RFXAP: variants seen among roughly 807,000 people sequenced by gnomAD.
The protein encoded by RFXAP is regulatory factor X associated protein.
RFXAP carries 21 observed loss-of-function variants against 25.7 expected under a neutral mutation model. The observed-to-expected ratio is 0.82, with a 90% confidence interval of 0.58 to 1.18. RFXAP has a LOEUF of 1.18. RFXAP is among the 50% of genes most tolerant of loss of function. The probability of loss-of-function intolerance (pLI) is 0.00; values close to 1 mark genes in which losing one functional copy is unlikely to be tolerated. For missense variants in RFXAP, 333 were observed against 363.0 expected, an observed-to-expected ratio of 0.92 and a Z score of 0.67; for synonymous variants, 161 against 152.2, an observed-to-expected ratio of 1.06 and a Z score of -0.43.
chr13:36,827,808 A>G lies in RFXAP; in HGVS notation c.*55A>G, dbSNP rs7321405. 5,291 of 1,366,228 alleles carry G rather than the reference A, an allele frequency of 3.9e-3. 167 individuals are homozygous for G. In the African/African-American group the frequency reaches 0.063, roughly 16 times the overall value. The allele number at this position is 1,366,228 out of a possible 1,614,324, so 84.6% of individuals were successfully genotyped here. A position where few individuals can be genotyped will look rare whatever the true frequency, so the allele number is the denominator to read the frequency against. ...TTTTATCTTATTGTAATAGATGAGCATATTTTTTTACCAGACATAAATGGG... is the reference window on the plus strand; with the variant it reads ...TTTTATCTTATTGTAATAGATGAGCGTATTTTTTTACCAGACATAAATGGG... On this transcript the variant is annotated 3_prime_UTR_variant, in exon 3 of 3. Coordinates refer to ENST00000255476, the MANE Select transcript of RFXAP (RefSeq NM_000538.4).
intron 2 of RFXAP, among the ~76,000 whole-genome samples, chr13:36,826,983 C>G (rs1277036703): frequency 6.6e-6 from 1 of 151,942 alleles, no homozygotes; most frequent in African/African-American, 2.4e-5. Flanking sequence ...AGAGTGAGAC[C>G]CTGTCTCTAA....
chr13:36,820,818 A>G lies in RFXAP; in HGVS notation c.600+861A>G, dbSNP rs548113171. Among the ~76,000 whole-genome samples, 3 of 151,994 alleles carry G rather than the reference A, an allele frequency of 2.0e-5. No homozygotes were observed. The East Asian group carries it at 5.8e-4, about 29-fold the overall frequency. ...CCTTGTGGCTTGAATAGGTTATTAA[A>G]CTCTGTAAAATGGGCATTAAAATCG... is the stretch of plus-strand genomic sequence containing the variant. On this transcript the variant is annotated intron_variant, in intron 1 of 2. Transcript: ENST00000255476.
intron 1 of RFXAP, among the ~76,000 whole-genome samples, chr13:36,822,293 G>T (rs1019622988): frequency 6.6e-6 from 1 of 151,902 alleles, no homozygotes; most frequent in African/African-American, 2.4e-5. Flanking sequence ...GTTTTGCCAT[G>T]TTGGCCAGTC....
Position 36,825,545 on chromosome 13 carries a change from T to C in RFXAP, c.708+10T>C, listed in dbSNP as rs1293227728. The C allele has an allele frequency of 6.4e-7, 1 of 1,566,052 alleles. No individual in the cohort carries two copies. On this transcript the variant is annotated intron_variant, in intron 2 of 2. Transcript: ENST00000255476. ...AAATCAAAAAAGACTGGTAAATATC[T>C]GTTTGTAAATCAGTTATAAATGTGT...
At chr13:36,821,655 T>C (rs2057963349) in intron 1 of RFXAP, among the ~76,000 whole-genome samples, 1 of 152,102 alleles carries the variant, frequency 6.6e-6, no homozygotes, top group Non-Finnish European at 1.5e-5. Flanking sequence ...GAGCAAGACT[T>C]TGTCTCAAAA....
rs2057953412 is a variant in RFXAP, at chr13:36,819,387, G to C, written c.30G>C (p.Ala10=). The stretch of plus-strand genomic sequence containing the variant: ...AGGCGCAGGGTGTAGCGGAGGGCGC[G>C]GGGCCGGGCGCCGCCAGCGGCGTGC... MEAQGVAEG[A]GPGAASGVPH... The change falls in exon 1 of 3, where the codon GCG becomes GCC. Residue 10 remains alanine, a synonymous_variant. Transcript: ENST00000255476. 1 of 1,297,520 alleles carries C rather than the reference G, an allele frequency of 7.7e-7. No individual in the cohort carries two copies. Among genetic ancestry groups the C allele is most frequent in the Non-Finnish European group, 9.7e-7 (1 of 1,028,302 alleles). The allele number at this position is 1,297,520 out of a possible 1,614,324, so 80.4% of individuals were successfully genotyped here.
intron 2 of RFXAP, among the ~76,000 whole-genome samples, chr13:36,826,220 T>C (rs2057977515): frequency 6.6e-6 from 1 of 152,144 alleles, no homozygotes; most frequent in Non-Finnish European, 1.5e-5. Flanking sequence ...TGTTTGCCTC[T>C]TTGACAGCTT....
intron 1 of RFXAP, among the ~76,000 whole-genome samples, chr13:36,822,953 A>G (rs932907652): frequency 3.9e-5 from 6 of 152,202 alleles, no homozygotes; most frequent in African/African-American, 1.4e-4. Context: ...GTAGGCTGAG[A>G]TACTCCAGAA....
intron 1 of RFXAP, among the ~76,000 whole-genome samples, chr13:36,822,447 C>T (rs1041666569): frequency 2.6e-5 from 4 of 151,702 alleles, no homozygotes; most frequent in African/African-American, 9.7e-5. Context: ...TTTTAAACTA[C>T]CTAACATTTA....
chr13:36,823,942 A>G (rs1337481358), intron 1 of RFXAP, among the ~76,000 whole-genome samples: 2 of 152,208 alleles, frequency 1.3e-5, no homozygotes, highest in African/African-American at 4.8e-5. Flanking sequence ...TATGTATTTC[A>G]GCTCAGCTTA....
At chr13:36,821,944 ATC>A (rs372614273) in intron 1 of RFXAP, among the ~76,000 whole-genome samples, 5 of 152,264 alleles carry the variant, frequency 3.3e-5, no homozygotes, top group African/African-American at 9.6e-5. Context: ...GTTTTACCAA[ATC>A]TCTGATTACG....
chr13:36,822,123 CTG>C (rs1289281867), intron 1 of RFXAP, among the ~76,000 whole-genome samples: 1 of 150,900 alleles, frequency 6.6e-6, no homozygotes, highest in African/African-American at 2.4e-5. Context: ...GAGTCTTACT[CTG>C]TGTCGCTCAG....
At chr13:36,824,180 G>T (rs980296862) in intron 1 of RFXAP, among the ~76,000 whole-genome samples, 7 of 152,114 alleles carry the variant, frequency 4.6e-5, no homozygotes, top group Non-Finnish European at 8.8e-5. Flanking sequence ...AATTTCCATA[G>T]TGGGGTTGTG....
At chr13:36,827,455 G>A (rs2057981717) in intron 2 of RFXAP, among the ~76,000 whole-genome samples, 188 bp from the exon 3 acceptor site, 1 of 152,158 alleles carries the variant, frequency 6.6e-6, no homozygotes, top group South Asian at 2.1e-4. Context: ...GTATTTTGAT[G>A]TGTGACATCA....
At position 36,828,359 on chromosome 13, in the gene RFXAP, G is replaced by GT. The variant is rs2057985176; in HGVS notation, c.*607dup. 2 of 152,566 alleles carry GT rather than the reference G, an allele frequency of 1.3e-5. No homozygotes were observed. The highest frequency in any genetic ancestry group is 3.9e-4 in the East Asian group (2 of 5,194). The allele number at this position is 152,566 out of a possible 1,614,324, so 9.5% of individuals were successfully genotyped here. ...AGTTAAGACTGAAGCTGTCAAAGAG[G>GT]TAAGCACATTTTATATAGACGTAAG... On this transcript the variant is annotated 3_prime_UTR_variant, in exon 3 of 3. Transcript: ENST00000255476.
intron 1 of RFXAP, among the ~76,000 whole-genome samples, chr13:36,822,546 A>AT (rs2138215286): frequency 6.6e-6 from 1 of 151,952 alleles, no homozygotes; most frequent in East Asian, 1.9e-4. Flanking sequence ...CCTTATTACT[A>AT]TTTTGTTATT....
chr13:36,821,242 A>T (rs1368008323), intron 1 of RFXAP, among the ~76,000 whole-genome samples: 43 of 110,232 alleles, frequency 3.9e-4, no homozygotes, highest in African/African-American at 9.9e-4. Context: ...AAAAAAAAAA[A>T]TTTTTTTTAA....
intron 1 of RFXAP, 27 bp from the exon 2 acceptor site, chr13:36,825,386 CGTTAACTGTTTATCT>C: frequency 7.4e-7 from 1 of 1,350,258 alleles, no homozygotes; most frequent in Non-Finnish European, 1.1e-6. Context: ...TGACTTATTA[CGTTAACTGTTTATCT>C]ATTTGCATTT....
rs1420411700 is a variant in RFXAP, at chr13:36,828,010, T to A, written c.*257T>A. The stretch of plus-strand genomic sequence containing the variant: ...TAATGTTTTTTAAAAAATATATTCC[T>A]CTTCAGTCATTGTTACTGAAGGTAA... On this transcript the variant is annotated 3_prime_UTR_variant, in exon 3 of 3. Coordinates refer to ENST00000255476, the MANE Select transcript of RFXAP (RefSeq NM_000538.4). 4.8e-6 allele frequency: 2 copies of A among 412,556 alleles called. No individual in the cohort carries two copies. The highest frequency in any genetic ancestry group is 8.7e-6 in the Non-Finnish European group (2 of 228,910). The allele number at this position is 412,556 out of a possible 1,614,324, so 25.6% of individuals were successfully genotyped here.
Sources: gnomAD v4.1 joint callset for allele counts (sites outside exome capture counted in the v4.1 genomes callset) on GRCh38, gnomAD v4.1.1 for gene constraint, MANE v1.5 for transcripts, NCBI Gene and HGNC (gene_info 2026-07-23, HGNC 2026-07-21) for gene names.